DCAF17: variants seen among roughly 807,000 people sequenced by gnomAD.
DCAF17 encodes the protein DDB1 and CUL4 associated factor 17.
Under a neutral mutation model 66.0 loss-of-function variants are expected in DCAF17, and 48 were observed. The ratio of observed to expected loss-of-function variants is 0.73; its 90% CI spans 0.58 to 0.92. The LOEUF (loss-of-function observed/expected upper bound fraction) is 0.92, where lower values mean the gene tolerates loss of function less well. Ranked by LOEUF, DCAF17 falls within the 40% of genes least tolerant of loss-of-function variation. The probability of loss-of-function intolerance (pLI) is 0.00; values close to 1 mark genes in which losing one functional copy is unlikely to be tolerated. For missense variants in DCAF17, 562 were observed against 622.8 expected (o/e 0.90, Z 1.04); for synonymous variants, 206 against 214.6 (o/e 0.96, Z 0.35).
At chr2:171,479,191 A>T (rs1242825534) in intron 12 of DCAF17, among the ~76,000 whole-genome samples, 1 of 152,202 alleles carries the variant, frequency 6.6e-6, no homozygotes, top group Non-Finnish European at 1.5e-5. Flanking sequence ...AAAGGCAGAA[A>T]ATGTCAGTGG....
At chr2:171,469,338 G>A (rs1032439400) in intron 9 of DCAF17, among the ~76,000 whole-genome samples, 10 of 152,194 alleles carry the variant, frequency 6.6e-5, no homozygotes, top group African/African-American at 1.9e-4. Flanking sequence ...CCAATGGAAT[G>A]TGTTCACATT....
intron 6 of DCAF17, among the ~76,000 whole-genome samples, chr2:171,456,664 T>C (rs980287315): frequency 3.3e-5 from 5 of 152,070 alleles, no homozygotes; most frequent in African/African-American, 1.2e-4. Flanking sequence ...GTTTGTGTCA[T>C]CTTTGTAGAT....
chr2:171,438,459 T>C (rs1320400358), intron 2 of DCAF17, among the ~76,000 whole-genome samples: 1 of 152,230 alleles, frequency 6.6e-6, no homozygotes, highest in African/African-American at 2.4e-5. Context: ...GAAATCTCTA[T>C]AATAGTGAGT....
In DCAF17 at chr2:171,480,956, G is replaced by A. The variant is rs868088660; in HGVS notation, c.1423-18G>A. 6.2e-7 allele frequency: 1 copy of A among 1,613,328 alleles called. No individual in the cohort carries two copies. The highest frequency in any genetic ancestry group is 8.5e-7 in the Non-Finnish European group (1 of 1,179,460). Reference sequence around the variant, plus strand: ...TGGCTGTGTGAAAAGGACTCCATATGATTGTGTTTTGTTACAGACATATAG... The same window carrying A: ...TGGCTGTGTGAAAAGGACTCCATATAATTGTGTTTTGTTACAGACATATAG... On this transcript the variant is annotated intron_variant, in intron 13 of 13. Coordinates refer to ENST00000375255, the MANE Select transcript of DCAF17 (RefSeq NM_025000.4).
chr2:171,480,552 C>T (rs568539517), intron 13 of DCAF17, among the ~76,000 whole-genome samples: 5 of 152,210 alleles, frequency 3.3e-5, no homozygotes, highest in South Asian at 2.1e-4. Context: ...TCTAAGCATG[C>T]GGGATTCCCA....
At chr2:171,451,986 A>AAGT (rs1288769298) in intron 5 of DCAF17, among the ~76,000 whole-genome samples, 1 of 152,146 alleles carries the variant, frequency 6.6e-6, no homozygotes, top group Non-Finnish European at 1.5e-5. Context: ...TCCAGCCAAC[A>AAGT]AGTAGTAGCT....
At chr2:171,442,840 A>T (rs914625898) in intron 2 of DCAF17, among the ~76,000 whole-genome samples, 1 of 152,060 alleles carries the variant, frequency 6.6e-6, no homozygotes, top group Non-Finnish European at 1.5e-5. Flanking sequence ...AGATCATGCC[A>T]TTGCACTCCA....
At chr2:171,447,056 C>T (rs1474476899) in intron 3 of DCAF17, among the ~76,000 whole-genome samples, 1 of 151,988 alleles carries the variant, frequency 6.6e-6, no homozygotes, top group African/African-American at 2.4e-5. Flanking sequence ...AATTAAGGAA[C>T]ACTGTTTTCC....
rs1350358292 is a variant in DCAF17 at position 171,483,269 on chromosome 2, T to G, written c.*2155T>G. 1 of 453,964 alleles carries G rather than the reference T, an allele frequency of 2.2e-6. No homozygotes were observed. Among genetic ancestry groups the G allele is most frequent in the East Asian group, 6.9e-5 (1 of 14,410 alleles). 28.1% of individuals were successfully genotyped at this position (453,964 alleles called of 1,614,324 possible). A position where few individuals can be genotyped will look rare whatever the true frequency, so the allele number is the denominator to read the frequency against. Reference sequence around the variant, plus strand: ...ACCCCCTCTTTACCTGATATTTTAATTCGAGACTCTAGCTACATGCCCACC... The same window carrying G: ...ACCCCCTCTTTACCTGATATTTTAAGTCGAGACTCTAGCTACATGCCCACC... On this transcript the variant is annotated 3_prime_UTR_variant, in exon 14 of 14. Coordinates refer to ENST00000375255, the MANE Select transcript of DCAF17 (RefSeq NM_025000.4).
At chr2:171,473,721 T>TA in intron 9 of DCAF17, 145 bp from the exon 10 acceptor site, 1 of 681,834 alleles carries the variant, frequency 1.5e-6, no homozygotes. Context: ...TGTCCTCATT[T>TA]GGCCCTCAAA....
chr2:171,436,568 C>T (rs1559250746), intron 2 of DCAF17, among the ~76,000 whole-genome samples: 2 of 151,556 alleles, frequency 1.3e-5, no homozygotes, highest in Non-Finnish European at 2.9e-5. Context: ...TTTTCTTGTG[C>T]ATATTAGCCA....
In DCAF17 at chr2:171,484,321, A is replaced by C. The variant is rs937153720; in HGVS notation, c.*3207A>C. The C allele has an allele frequency of 1.2e-5, 5 of 418,732 alleles. No individual in the cohort carries two copies. Among genetic ancestry groups the C allele is most frequent in the African/African-American group, 8.3e-5 (4 of 48,066 alleles). The allele number at this position is 418,732 out of a possible 1,614,324, so 25.9% of individuals were successfully genotyped here. A position where few individuals can be genotyped will look rare whatever the true frequency, so the allele number is the denominator to read the frequency against. On this transcript the variant is annotated 3_prime_UTR_variant, in exon 14 of 14. Coordinates refer to ENST00000375255, the MANE Select transcript of DCAF17 (RefSeq NM_025000.4). ...GAATAATTTATTTCAAACAAGGGAC[A>C]TACAATAGAAAGATAAGACCTACTG...
At position 171,478,021 on chromosome 2, in the gene DCAF17, G is replaced by A; in HGVS notation, c.1217G>A (p.Arg406Gln). The A allele has an allele frequency of 8.7e-6, 14 of 1,613,762 alleles. No homozygotes were observed. Among genetic ancestry groups the A allele is most frequent in the Non-Finnish European group, 1.0e-5 (12 of 1,179,866 alleles). Reference sequence around the variant, plus strand: ...GTACTCACTGTTACAGCTTCTGGACGGGTGGTAAAAAAAAGTTTTAACCTT... The same window carrying A: ...GTACTCACTGTTACAGCTTCTGGACAGGTGGTAAAAAAAAGTTTTAACCTT... The part of the protein sequence containing the change: ...ENVLTVTASG[R>Q]VVKKSFNLLD... The change falls in exon 12 of 14, where the codon CGG (arginine) becomes CAG (glutamine). Residue 406 changes from arginine (R) to glutamine (Q), a missense_variant. This residue lies in a region of DCAF17 where 201 missense variants were observed against 231.1 expected (regional missense o/e 0.87). Coordinates refer to ENST00000375255, the MANE Select transcript of DCAF17 (RefSeq NM_025000.4).
chr2:171,441,611 C>T (rs1694311353), intron 2 of DCAF17, among the ~76,000 whole-genome samples: 1 of 152,170 alleles, frequency 6.6e-6, no homozygotes, highest in African/African-American at 2.4e-5. Context: ...AGGAAGATAG[C>T]TCTCTGAGTG....
chr2:171,460,653 C>G (rs989554064), intron 8 of DCAF17, among the ~76,000 whole-genome samples: 1 of 152,062 alleles, frequency 6.6e-6, no homozygotes, highest in Non-Finnish European at 1.5e-5. Context: ...ACATTAGCCT[C>G]CCAAGTAGCT....
rs557162290 is a variant in DCAF17, at chr2:171,484,187, A to G, written c.*3073A>G. 2.2e-6 allele frequency: 1 copy of G among 446,618 alleles called. No homozygotes were observed. Among genetic ancestry groups the G allele is most frequent in the African/African-American group, 2.0e-5 (1 of 49,552 alleles). 27.7% of individuals were successfully genotyped at this position (446,618 alleles called of 1,614,324 possible). A position where few individuals can be genotyped will look rare whatever the true frequency, so the allele number is the denominator to read the frequency against. ...TTTGGCTTCCATATTAATCATTTTT[A>G]TATTTTCTTCTCCTTCTTACCATGT... On this transcript the variant is annotated 3_prime_UTR_variant, in exon 14 of 14. Transcript: ENST00000375255.
chr2:171,468,775 C>A, intron 8 of DCAF17, 113 bp from the exon 9 acceptor site: 1 of 1,388,000 alleles, frequency 7.2e-7, no homozygotes, highest in Non-Finnish European at 1.0e-6. Context: ...AGTAATTTTT[C>A]ATTAATAGAA....
Position 171,476,856 on chromosome 2 carries a change from T to G in DCAF17, c.1092-4T>G. The G allele has an allele frequency of 6.2e-7, 1 of 1,611,354 alleles. No homozygotes were observed. The highest frequency in any genetic ancestry group is 1.1e-5 in the South Asian group (1 of 91,014). On this transcript the variant is annotated splice_region_variant and splice_polypyrimidine_tract_variant and intron_variant, in intron 10 of 13. Coordinates refer to ENST00000375255, the MANE Select transcript of DCAF17 (RefSeq NM_025000.4). ...GGTTCTCAGAATCCTTTTTCCCTTC[T>G]CAGAGTTTTGAAGCTAACTGAAATA...
Position 171,457,985 on chromosome 2 carries a change from T to G in DCAF17, c.642T>G (p.Val214=). ...LEINKKIFGN[V]TDATLSHGIL... ...CCCCCCGCCAGATTTTTGGGAACGT[T>G]ACAGATGCTACCTTGTCTCATGGAA... The change falls in exon 7 of 14, where the codon GTT becomes GTG. Residue 214 remains valine, a synonymous_variant. Coordinates refer to ENST00000375255, the MANE Select transcript of DCAF17 (RefSeq NM_025000.4). The G allele has an allele frequency of 6.2e-7, 1 of 1,614,078 alleles. No homozygotes were observed. Among genetic ancestry groups the G allele is most frequent in the Non-Finnish European group, 8.5e-7 (1 of 1,179,938 alleles).
Sources: gnomAD v4.1 joint callset for allele counts (sites outside exome capture counted in the v4.1 genomes callset) on GRCh38, gnomAD v4.1.1 for gene constraint, gnomAD v4.1.1 regional missense constraint, MANE v1.5 for transcripts, NCBI Gene and HGNC (gene_info 2026-07-23, HGNC 2026-07-21) for gene names.